Variants in CALCRL observed in about 807,000 individuals in gnomAD.
CALCRL encodes the protein calcitonin gene-related peptide type 1 receptor.
CALCRL carries 27 observed loss-of-function variants against 60.4 expected under a neutral mutation model. That is an observed-to-expected ratio of 0.45 (90% CI 0.33 to 0.62). The LOEUF is 0.62. CALCRL is among the 20% of genes least tolerant of loss of function. The pLI, the probability that CALCRL is intolerant of heterozygous loss-of-function variation, is 0.03. For synonymous variants in CALCRL, 190 were observed against 182.6 expected, an observed-to-expected ratio of 1.04 and a Z score of -0.33; for missense variants, 424 against 540.7, an observed-to-expected ratio of 0.78 and a Z score of 2.14.
At chr2:187,419,891 T>C (rs1243875265) in intron 1 of CALCRL, among the ~76,000 whole-genome samples, 2 of 152,168 alleles carry the variant, frequency 1.3e-5, no homozygotes, top group African/African-American at 4.8e-5. Context: ...TAAATAGCAG[T>C]TTTAAGTGAT....
intron 1 of CALCRL, among the ~76,000 whole-genome samples, chr2:187,395,597 AC>A (rs1247330970): frequency 6.6e-6 from 1 of 152,048 alleles, no homozygotes; most frequent in Non-Finnish European, 1.5e-5. Context: ...TTGAGCATCT[AC>A]TTTTACCTAG....
intron 1 of CALCRL, among the ~76,000 whole-genome samples, chr2:187,422,673 A>G (rs1394419851): frequency 6.6e-6 from 1 of 152,016 alleles, no homozygotes; most frequent in East Asian, 1.9e-4. Flanking sequence ...AATGTCCAGA[A>G]GACATTACCT....
intron 8 of CALCRL, among the ~76,000 whole-genome samples, chr2:187,366,908 G>A (rs1392995135): frequency 8.6e-6 from 1 of 116,626 alleles, no homozygotes; most frequent in Non-Finnish European, 1.8e-5. Context: ...TGTCATTATT[G>A]TGAGTATAAC....
At chr2:187,370,353 A>G (rs1687468153) in intron 8 of CALCRL, among the ~76,000 whole-genome samples, 1 of 152,082 alleles carries the variant, frequency 6.6e-6, no homozygotes, top group Admixed American at 6.6e-5. Flanking sequence ...CTTTTGGGAG[A>G]AAAAATGTTA....
chr2:187,445,946 GTGAA>G (rs1486638367), intron 1 of CALCRL, among the ~76,000 whole-genome samples: 1 of 151,344 alleles, frequency 6.6e-6, no homozygotes, highest in Non-Finnish European at 1.5e-5. Context: ...ATTTTTCAAA[GTGAA>G]TGAACAGTTT....
At chr2:187,409,926 G>A (rs1689285238) in intron 1 of CALCRL, among the ~76,000 whole-genome samples, 1 of 152,160 alleles carries the variant, frequency 6.6e-6, no homozygotes, top group Non-Finnish European at 1.5e-5. Context: ...GCAAGGGAGA[G>A]AGCTGTGTCA....
chr2:187,404,246 C>T (rs1412518081), intron 1 of CALCRL, among the ~76,000 whole-genome samples: 1 of 151,826 alleles, frequency 6.6e-6, no homozygotes, highest in Non-Finnish European at 1.5e-5. Context: ...GTCCCTCCCT[C>T]ACCGAATCTT....
At chr2:187,358,956 A>G (rs1686924533) in intron 12 of CALCRL, 107 bp downstream of exon 12, 2 of 863,508 alleles carry the variant, frequency 2.3e-6, no homozygotes, top group African/African-American at 1.7e-5. Context: ...GTGAACATGC[A>G]TGTCCATCTG....
intron 1 of CALCRL, among the ~76,000 whole-genome samples, chr2:187,399,483 A>G (rs536741244): frequency 6.6e-6 from 1 of 151,676 alleles, no homozygotes; most frequent in Non-Finnish European, 1.5e-5. Context: ...AAAAGTGACA[A>G]AAAACAAGTA....
intron 1 of CALCRL, chr2:187,415,753 G>T: frequency 2.0e-6 from 1 of 501,000 alleles, no homozygotes; most frequent in Non-Finnish European, 3.6e-6. Context: ...TGCTCTCAAC[G>T]ACCACTTTGT....
At chr2:187,400,457 T>C (rs1048966133) in intron 1 of CALCRL, among the ~76,000 whole-genome samples, 17 of 151,674 alleles carry the variant, frequency 1.1e-4, no homozygotes, top group Admixed American at 1.1e-3. Context: ...GTGTAATCAT[T>C]GATAAACACC....
rs200051216 is a variant in CALCRL at position 187,346,228 on chromosome 2, C to T, written c.1342G>A (p.Asp448Asn). The change falls in exon 15 of 15, where the codon GAT becomes AAT. Residue 448 changes from aspartate to asparagine, a missense_variant. Asp to Asn is a conservative substitution (Grantham distance 23). Coordinates refer to ENST00000392370, the MANE Select transcript of CALCRL (RefSeq NM_005795.6). Reference sequence around the variant, plus strand: ...GGTTTTAAGAGAACATTTTCAATATCATGGATGCTTTTTCCATTTAAGTGT... The same window carrying T: ...GGTTTTAAGAGAACATTTTCAATATTATGGATGCTTTTTCCATTTAAGTGT... ...SEHLNGKSIH[D>N]IENVLLKPEN... 29 of 1,611,184 alleles carry T rather than the reference C, an allele frequency of 1.8e-5. No individual in the cohort carries two copies. The highest frequency in any genetic ancestry group is 2.5e-5 in the Non-Finnish European group (29 of 1,178,322).
chr2:187,361,589 T>C (rs1245260150), intron 9 of CALCRL, among the ~76,000 whole-genome samples: 1 of 151,948 alleles, frequency 6.6e-6, no homozygotes, highest in Non-Finnish European at 1.5e-5. Flanking sequence ...ATGCACTGGA[T>C]TGTTAATATT....
chr2:187,399,037 T>C (rs1338872600), intron 1 of CALCRL, among the ~76,000 whole-genome samples: 1 of 151,640 alleles, frequency 6.6e-6, no homozygotes, highest in Admixed American at 6.6e-5. Context: ...ATAAGAAGGC[T>C]CCATTTTGCA....
At chr2:187,403,343 A>T (rs959766495) in intron 1 of CALCRL, among the ~76,000 whole-genome samples, 1 of 151,834 alleles carries the variant, frequency 6.6e-6, no homozygotes, top group Non-Finnish European at 1.5e-5. Flanking sequence ...GGTGGTGGGG[A>T]AATACCTGAG....
At chr2:187,346,569 A>C (rs840599) in intron 14 of CALCRL, among the ~76,000 whole-genome samples, 170 bp from the exon 15 acceptor site, 16,238 of 151,876 alleles carry the variant, frequency 0.11, 1,442 homozygotes, top group African/African-American at 0.23. Context: ...AATTAAGTGT[A>C]CCATCTTCAC....
chr2:187,362,587 C>CACACAT (rs1687102970), intron 9 of CALCRL, among the ~76,000 whole-genome samples: 1 of 151,746 alleles, frequency 6.6e-6, no homozygotes, highest in African/African-American at 2.4e-5. Context: ...CACACACACA[C>CACACAT]ACAAAATATA....
chr2:187,385,674 G>T, intron 3 of CALCRL, 43 bp from the exon 4 acceptor site: 2 of 945,586 alleles, frequency 2.1e-6, no homozygotes, highest in South Asian at 1.6e-5. Context: ...CAATATTTAT[G>T]AAATAAATGC....
At chr2:187,442,956 C>T (rs1559082037) in intron 1 of CALCRL, among the ~76,000 whole-genome samples, 2 of 151,728 alleles carry the variant, frequency 1.3e-5, no homozygotes, top group African/African-American at 4.8e-5. Flanking sequence ...TAGGATAAAA[C>T]CAGAGTTTTG....
Sources: gnomAD v4.1 joint callset for allele counts (sites outside exome capture counted in the v4.1 genomes callset) on GRCh38, gnomAD v4.1.1 for gene constraint, MANE v1.5 for transcripts, NCBI Gene and HGNC (gene_info 2026-07-23, HGNC 2026-07-21) for gene names.